NOTCH2: variants seen among roughly 807,000 people sequenced by gnomAD.
NOTCH2 encodes notch receptor 2, also known as neurogenic locus notch homolog protein 2.
NOTCH2 carries 29 observed loss-of-function variants against 235.8 expected under a neutral mutation model. The ratio of observed to expected loss-of-function variants is 0.12; its 90% CI spans 0.09 to 0.17. NOTCH2 has a LOEUF of 0.17. NOTCH2 is among the 10% of genes least tolerant of loss of function. NOTCH2 has a pLI of 1.00. For missense variants in NOTCH2, 2,285 were observed against 3,150.2 expected, an observed-to-expected ratio of 0.73 and a Z score of 6.57; for synonymous variants, 1,086 against 1,141.5, an observed-to-expected ratio of 0.95 and a Z score of 0.98.
intron 5 of NOTCH2, among the ~76,000 whole-genome samples, chr1:119,980,844 C>T (rs781785799): frequency 6.6e-6 from 1 of 152,140 alleles, no homozygotes; most frequent in Non-Finnish European, 1.5e-5. Flanking sequence ...GAGTTCAGGG[C>T]AAGCTTCTAA....
intron 2 of NOTCH2, among the ~76,000 whole-genome samples, chr1:120,007,723 C>A (rs1570741192): frequency 1.3e-5 from 2 of 152,150 alleles, no homozygotes; most frequent in Middle Eastern, 6.8e-3. Context: ...GTGAAAACAT[C>A]TTTTCTGTCT....
At chr1:120,043,189 C>T (rs1553213125) in intron 1 of NOTCH2, among the ~76,000 whole-genome samples, 1 of 147,722 alleles carries the variant, frequency 6.8e-6, no homozygotes, top group African/African-American at 2.6e-5. Context: ...ATCTACATTC[C>T]TCCACCCAAG....
chr1:119,930,821 G>C (rs1212981501), intron 22 of NOTCH2, among the ~76,000 whole-genome samples: 2 of 150,446 alleles, frequency 1.3e-5, no homozygotes, highest in Non-Finnish European at 3.0e-5. Context: ...GGTACAGGCT[G>C]GGTGCAGTGG....
At chr1:120,063,380 G>A (rs1256622716) in intron 1 of NOTCH2, among the ~76,000 whole-genome samples, 1 of 151,314 alleles carries the variant, frequency 6.6e-6, no homozygotes, top group Non-Finnish European at 1.5e-5. Flanking sequence ...AGCACCATTT[G>A]CAACGGCTGA....
At position 119,997,167 on chromosome 1, in the gene NOTCH2, T is replaced by A. The variant is rs782663891; in HGVS notation, c.581A>T (p.His194Leu). 4 of 1,614,012 alleles carry A rather than the reference T, an allele frequency of 2.5e-6. No individual in the cohort carries two copies. The highest frequency in any genetic ancestry group is 3.4e-6 in the Non-Finnish European group (4 of 1,179,856). ...AGGCAGGTTGAGGCAGGTGCCACCATGCTGGCAGTGTCCTGGAATGTCACA... is the reference window on the plus strand; with the variant it reads ...AGGCAGGTTGAGGCAGGTGCCACCAAGCTGGCAGTGTCCTGGAATGTCACA... ...NECDIPGHCQ[H>L]GGTCLNLPGS... The change falls in exon 4 of 34, where the codon CAT becomes CTT. Residue 194 changes from histidine to leucine, a missense_variant. Coordinates refer to ENST00000256646, the MANE Select transcript of NOTCH2 (RefSeq NM_024408.4).
chr1:119,963,700 G>A lies in NOTCH2; in HGVS notation c.1789C>T (p.Pro597Ser), dbSNP rs782142056. 2.5e-6 allele frequency: 4 copies of A among 1,614,134 alleles called. No homozygotes were observed. Among genetic ancestry groups the A allele is most frequent in the East Asian group, 4.5e-5 (2 of 44,874 alleles). ...GIDSYTCICN[P>S]GYMGAICSDQ... ...CTGCAGATGGCGCCCATGTACCCGG[G>A]ATTGCAGATGCAGGTGTAGGAATCA... is the stretch of plus-strand genomic sequence containing the variant. Residue 597 changes from proline to serine, a missense_variant, in exon 11 of 34, where the codon CCC becomes TCC. Around this residue, in one of 6 missense-constraint regions of NOTCH2, gnomAD observed 431 missense variants for 757.8 expected, o/e 0.57. Transcript: ENST00000256646.
At chr1:119,971,614 G>T (rs782468938) in intron 5 of NOTCH2, among the ~76,000 whole-genome samples, 5 of 152,106 alleles carry the variant, frequency 3.3e-5, no homozygotes, top group Admixed American at 3.3e-4. Flanking sequence ...GAGCCCACAA[G>T]TTAGAGACCA....
chr1:119,944,817 A>G (rs906911150), intron 17 of NOTCH2, among the ~76,000 whole-genome samples: 2 of 152,172 alleles, frequency 1.3e-5, no homozygotes. Context: ...AACCTTTCTG[A>G]CACACAAAAA....
chr1:120,043,575 C>T (rs1654668377), intron 1 of NOTCH2, among the ~76,000 whole-genome samples: 1 of 152,210 alleles, frequency 6.6e-6, no homozygotes, highest in Admixed American at 6.5e-5. Flanking sequence ...ACAACATTCT[C>T]AGGTGGGTAA....
At chr1:119,999,547 T>C (rs1347066491) in intron 3 of NOTCH2, among the ~76,000 whole-genome samples, 3 of 150,482 alleles carry the variant, frequency 2.0e-5, no homozygotes, top group African/African-American at 2.5e-5. Context: ...TGCTCACTTC[T>C]AGCAAGTGTG....
chr1:119,958,857 G>A (rs1347325029), intron 12 of NOTCH2, among the ~76,000 whole-genome samples: 2 of 151,890 alleles, frequency 1.3e-5, no homozygotes, highest in African/African-American at 2.4e-5. Context: ...TCTTCCTCCT[G>A]GGCAGAAAGA....
In NOTCH2 at chr1:119,923,409, C is replaced by G. The variant is rs957163400; in HGVS notation, c.4859+228G>C. On this transcript the variant is annotated intron_variant, in intron 26 of 33. Coordinates refer to ENST00000256646, the MANE Select transcript of NOTCH2 (RefSeq NM_024408.4). The stretch of plus-strand genomic sequence containing the variant: ...TTATGGATTCTGGCATCTGAGGAGG[C>G]CTTCCAGACATTCTGCCTCCTGTGT... Among the ~76,000 whole-genome samples the G allele has an allele frequency of 3.3e-5, 5 of 152,302 alleles. No individual in the cohort carries two copies. The South Asian group carries it at 8.3e-4, about 25-fold the overall frequency.
At chr1:120,015,224 T>C (rs1223600516) in intron 2 of NOTCH2, among the ~76,000 whole-genome samples, 3 of 152,184 alleles carry the variant, frequency 2.0e-5, no homozygotes, top group Admixed American at 2.0e-4. Flanking sequence ...AGCTCCTCTT[T>C]ACTCCCTCTG....
At chr1:119,981,346 T>G (rs587596264) in intron 5 of NOTCH2, among the ~76,000 whole-genome samples, 13 of 152,326 alleles carry the variant, frequency 8.5e-5, no homozygotes, top group South Asian at 4.1e-4. Flanking sequence ...TGGACTTTCT[T>G]ATGTCTTCCT....
At position 119,911,899 on chromosome 1, in the gene NOTCH2, A is replaced by T. The variant is rs1046121568; in HGVS notation, c.*3407T>A. 3 of 233,066 alleles carry T rather than the reference A, an allele frequency of 1.3e-5. No individual in the cohort carries two copies. Among genetic ancestry groups the T allele is most frequent in the African/African-American group, 6.6e-5 (3 of 45,332 alleles). The allele number at this position is 233,066 out of a possible 1,614,324, so 14.4% of individuals were successfully genotyped here. On this transcript the variant is annotated 3_prime_UTR_variant, in exon 34 of 34. Transcript: ENST00000256646. ...GCTTTTTCCCCAGGATCATTTATTT[A>T]TGATCTAATTAAAGGAAGAAAAAAA...
intron 3 of NOTCH2, among the ~76,000 whole-genome samples, chr1:120,001,362 T>A (rs1364914788): frequency 6.6e-6 from 1 of 151,820 alleles, no homozygotes; most frequent in African/African-American, 2.4e-5. Flanking sequence ...GATGACCGAT[T>A]TGCACATCAG....
At chr1:120,013,391 CTAGA>C (rs1653289768) in intron 2 of NOTCH2, among the ~76,000 whole-genome samples, 1 of 146,188 alleles carries the variant, frequency 6.8e-6, no homozygotes, top group Non-Finnish European at 1.5e-5. Flanking sequence ...AAACTCCCAT[CTAGA>C]TAGTTTTTGT....
intron 4 of NOTCH2, among the ~76,000 whole-genome samples, chr1:119,991,839 A>G (rs868915124): frequency 3.6e-4 from 46 of 129,574 alleles, no homozygotes; most frequent in East Asian, 8.1e-4. Flanking sequence ...AAAAAAAAAA[A>G]AAAAGAAAAG....
intron 1 of NOTCH2, among the ~76,000 whole-genome samples, chr1:120,064,391 CA>C (rs1319433125): frequency 1.3e-5 from 2 of 150,938 alleles, no homozygotes; most frequent in African/African-American, 4.9e-5. Flanking sequence ...AAAGAGATAG[CA>C]AAAAAAGTCT....
Sources: gnomAD v4.1 joint callset for allele counts (sites outside exome capture counted in the v4.1 genomes callset) on GRCh38, gnomAD v4.1.1 for gene constraint, gnomAD v4.1.1 regional missense constraint, MANE v1.5 for transcripts, NCBI Gene and HGNC (gene_info 2026-07-23, HGNC 2026-07-21) for gene names.